The following FOXN3 variants were observed in gnomAD, a reference collection of about 807,000 sequenced individuals.
FOXN3 encodes forkhead box N3.
In FOXN3, 7 loss-of-function variants were observed where a neutral mutation model predicts 38.4. That is an observed-to-expected ratio of 0.18 (90% CI 0.10 to 0.34). FOXN3 has a LOEUF of 0.34. FOXN3 is among the 10% of genes least tolerant of loss of function. The pLI, the probability that FOXN3 is intolerant of heterozygous loss-of-function variation, is 1.00. For missense variants in FOXN3, 456 were observed against 613.4 expected (o/e 0.74, Z 2.71); for synonymous variants, 230 against 242.2 (o/e 0.95, Z 0.47).
intron 1 of FOXN3, among the ~76,000 whole-genome samples, chr14:89,575,812 C>G (rs771191356): frequency 6.6e-6 from 1 of 152,222 alleles, no homozygotes; most frequent in Non-Finnish European, 1.5e-5. Flanking sequence ...TAGGCAAAGT[C>G]GTGGCCATGT....
intron 3 of FOXN3, among the ~76,000 whole-genome samples, chr14:89,306,501 G>A (rs1034261011): frequency 6.6e-6 from 1 of 151,990 alleles, no homozygotes; most frequent in Non-Finnish European, 1.5e-5. Context: ...TGAGTAGCTG[G>A]GACTACAGGC....
At chr14:89,509,384 G>C (rs1894012973) in intron 1 of FOXN3, among the ~76,000 whole-genome samples, 1 of 152,168 alleles carries the variant, frequency 6.6e-6, no homozygotes, top group Non-Finnish European at 1.5e-5. Context: ...GCCCAGGCTG[G>C]AGTGCAGTGG....
intron 4 of FOXN3, chr14:89,185,599 A>C (rs1253726467): frequency 3.3e-5 from 5 of 152,298 alleles, no homozygotes; most frequent in African/African-American, 1.2e-4. Flanking sequence ...GGACGTTGAA[A>C]GTCAACTTCT....
chr14:89,242,918 C>T (rs1463572769), intron 4 of FOXN3, among the ~76,000 whole-genome samples: 1 of 152,208 alleles, frequency 6.6e-6, no homozygotes, highest in Non-Finnish European at 1.5e-5. Flanking sequence ...CTGATGGTGA[C>T]ACAGTCCATT....
At chr14:89,423,968 C>G (rs989982444) in intron 1 of FOXN3, among the ~76,000 whole-genome samples, 1 of 152,158 alleles carries the variant, frequency 6.6e-6, no homozygotes, top group Admixed American at 6.5e-5. Context: ...AGGACTCCAG[C>G]CTATTAGATT....
In FOXN3 at chr14:89,246,027, G is replaced by C. The variant is rs567587058; in HGVS notation, c.745+34923C>G. On this transcript the variant is annotated intron_variant, in intron 4 of 5. Transcript: ENST00000557258. ...GGTGTGAGGACGGGTGATGGCTTAA[G>C]GGTACAGGGTTTTTCCCCCGCACTG... 1.1e-3 allele frequency among the ~76,000 whole-genome samples: 165 copies of C among 152,262 alleles called. 1 individual carries two copies. The highest frequency in any genetic ancestry group is 3.7e-3 in the African/African-American group (153 of 41,538).
chr14:89,609,290 C>T (rs866821020), intron 1 of FOXN3, among the ~76,000 whole-genome samples: 48 of 152,128 alleles, frequency 3.2e-4, no homozygotes, highest in African/African-American at 1.1e-3. Context: ...CAGCCTCAAC[C>T]TCCCAAGCTC....
intron 5 of FOXN3, among the ~76,000 whole-genome samples, chr14:89,175,416 T>C (rs1487240298): frequency 6.6e-6 from 1 of 152,216 alleles, no homozygotes; most frequent in Non-Finnish European, 1.5e-5. Flanking sequence ...TTAAGCCTTC[T>C]CCTAAGGTTT....
chr14:89,570,725 A>G (rs534511517), intron 1 of FOXN3, among the ~76,000 whole-genome samples: 1 of 150,690 alleles, frequency 6.6e-6, no homozygotes, highest in Non-Finnish European at 1.5e-5. Flanking sequence ...CATTACTGTT[A>G]GTGTATTTTA....
chr14:89,285,893 G>T (rs1216068001), intron 3 of FOXN3, among the ~76,000 whole-genome samples: 2 of 149,532 alleles, frequency 1.3e-5, no homozygotes, highest in East Asian at 3.9e-4. Context: ...TGACAACAGG[G>T]TCTTGCTCTG....
At chr14:89,388,374 A>G (rs954037736) in intron 2 of FOXN3, among the ~76,000 whole-genome samples, 1 of 152,168 alleles carries the variant, frequency 6.6e-6, no homozygotes, top group Non-Finnish European at 1.5e-5. Context: ...CAACTCAGGG[A>G]TGGAAGAGTG....
chr14:89,546,329 C>CTTTTTCT (rs1555359725), intron 1 of FOXN3, among the ~76,000 whole-genome samples: 7 of 78,318 alleles, frequency 8.9e-5, no homozygotes, highest in African/African-American at 3.8e-4. Context: ...TTTCCTTTTT[C>CTTTTTCT]TTTTTTTTTT....
chr14:89,283,275 C>T (rs1319614389), intron 3 of FOXN3, among the ~76,000 whole-genome samples: 1 of 152,150 alleles, frequency 6.6e-6, no homozygotes, highest in Non-Finnish European at 1.5e-5. Context: ...AAATTTAAAA[C>T]CCTATTTTAT....
chr14:89,339,860 C>T (rs1888565552), intron 3 of FOXN3, among the ~76,000 whole-genome samples: 1 of 152,192 alleles, frequency 6.6e-6, no homozygotes, highest in African/African-American at 2.4e-5. Flanking sequence ...CAAAGCCAGG[C>T]CAGAACCCCC....
intron 2 of FOXN3, among the ~76,000 whole-genome samples, chr14:89,400,587 C>T (rs950664319): frequency 1.3e-5 from 2 of 152,212 alleles, no homozygotes; most frequent in Admixed American, 6.5e-5. Context: ...CACCATCTCT[C>T]TCTTGCACCA....
intron 2 of FOXN3, among the ~76,000 whole-genome samples, chr14:89,400,316 G>A (rs1169368440): frequency 1.3e-5 from 2 of 152,084 alleles, no homozygotes; most frequent in East Asian, 3.9e-4. Context: ...TTTTGATTGA[G>A]AGGTAATCCA....
At chr14:89,304,941 T>G in intron 3 of FOXN3, among the ~76,000 whole-genome samples, 1 of 139,328 alleles carries the variant, frequency 7.2e-6, no homozygotes, top group Non-Finnish European at 1.5e-5. Context: ...CAGTGTAGTT[T>G]CTTAAAAAAA....
intron 1 of FOXN3, among the ~76,000 whole-genome samples, chr14:89,606,322 A>G (rs1896274594): frequency 6.6e-6 from 1 of 152,170 alleles, no homozygotes. Context: ...GGTAACTACT[A>G]TTTTGAGGTA....
Position 89,263,173 on chromosome 14 carries a change from G to A in FOXN3, c.745+17777C>T, listed in dbSNP as rs189817847. 2.0e-5 allele frequency among the ~76,000 whole-genome samples: 3 copies of A among 152,292 alleles called. No individual in the cohort carries two copies. The East Asian group carries it at 5.8e-4, about 29-fold the overall frequency. ...ATTTAACCATCAAGATATTATGGTG[G>A]AAAGAGAAACCACTTTTGTCTACAT... On this transcript the variant is annotated intron_variant, in intron 4 of 5. Transcript: ENST00000557258.
Sources: gnomAD v4.1 joint callset for allele counts (sites outside exome capture counted in the v4.1 genomes callset) on GRCh38, gnomAD v4.1.1 for gene constraint, MANE v1.5 for transcripts, NCBI Gene and HGNC (gene_info 2026-07-23, HGNC 2026-07-21) for gene names.